EOGT: variants seen among roughly 807,000 people sequenced by gnomAD.
EOGT encodes the protein EGF domain-specific O-linked N-acetylglucosamine transferase.
Under a neutral mutation model 70.5 loss-of-function variants are expected in EOGT, and 55 were observed. The ratio of observed to expected loss-of-function variants is 0.78; its 90% confidence interval spans 0.63 to 0.98. The LOEUF is 0.98. Among genes scored for constraint, EOGT ranks in the 50% least tolerant of loss-of-function variants. The probability of loss-of-function intolerance (pLI) is 0.00; values close to 1 mark genes in which losing one functional copy is unlikely to be tolerated. For missense variants in EOGT, 703 were observed against 641.9 expected (o/e 1.10, Z -1.03); for synonymous variants, 246 against 217.1 (o/e 1.13, Z -1.17).
chr3:68,990,335 T>C (rs1001532100), intron 10 of EOGT, among the ~76,000 whole-genome samples: 5 of 148,480 alleles, frequency 3.4e-5, no homozygotes, highest in African/African-American at 1.2e-4. Flanking sequence ...CTTTCCAGTA[T>C]AATTACCACA....
chr3:68,985,011 G>A (rs1057491667), intron 14 of EOGT, among the ~76,000 whole-genome samples: 2 of 152,092 alleles, frequency 1.3e-5, no homozygotes, highest in African/African-American at 4.8e-5. Flanking sequence ...TTTAACCACT[G>A]AGCCTCAGTG....
Position 68,999,843 on chromosome 3 carries a change from CATA to C in EOGT, c.728-1732_728-1730del, listed in dbSNP as rs373684593. Among the ~76,000 whole-genome samples the C allele has an allele frequency of 4.7e-3, 709 of 152,252 alleles. 6 individuals are homozygous for C. The highest frequency in any genetic ancestry group is 5.8e-3 in the Non-Finnish European group (393 of 68,014). On this transcript the variant is annotated intron_variant, in intron 9 of 17. Transcript: ENST00000383701. Reference sequence around the variant, plus strand: ...AAGAATTTATAAACAGAGAAGAAAACATAAGCTCCATCCTTGAGAAATGTGCCC... The same window carrying C: ...AAGAATTTATAAACAGAGAAGAAAACAGCTCCATCCTTGAGAAATGTGCCC...
chr3:69,000,003 C>T (rs940345760), intron 9 of EOGT, among the ~76,000 whole-genome samples: 6 of 152,166 alleles, frequency 3.9e-5, no homozygotes, highest in Admixed American at 1.3e-4. Flanking sequence ...AGGGGGATCA[C>T]TTGAGCCCAG....
chr3:69,001,492 C>A lies in EOGT; in HGVS notation c.727+116G>T, dbSNP rs867887602. On this transcript the variant is annotated intron_variant, in intron 9 of 17. Transcript: ENST00000383701. ...TCTTCAGAGAAGAAAGCAAAAAAAA[C>A]AAATCTACTGTTTGTCATACTGCTT... 6.4e-6 allele frequency: 4 copies of A among 620,298 alleles called. No homozygotes were observed. In the Middle Eastern group the frequency reaches 1.3e-3, roughly 204 times the overall value. 38.4% of individuals were successfully genotyped at this position (620,298 alleles called of 1,614,324 possible).
intron 14 of EOGT, among the ~76,000 whole-genome samples, chr3:68,985,946 T>C (rs1465846327): frequency 1.3e-5 from 2 of 152,126 alleles, no homozygotes; most frequent in East Asian, 1.9e-4. Context: ...ACCCACTGCC[T>C]CACCTTTTCC....
At chr3:68,979,832 A>T in intron 15 of EOGT, 45 bp from the exon 16 acceptor site, 2 of 1,599,100 alleles carry the variant, frequency 1.3e-6, no homozygotes, top group East Asian at 2.2e-5. Flanking sequence ...GAGAAGAGAG[A>T]AGTATTAGGT....
intron 10 of EOGT, among the ~76,000 whole-genome samples, chr3:68,996,864 A>T (rs201699599): frequency 2.6e-5 from 4 of 152,326 alleles, no homozygotes; most frequent in African/African-American, 9.6e-5. Context: ...CCCAGTTTAG[A>T]CAGCCTCTCT....
intron 15 of EOGT, 51 bp from the exon 16 acceptor site, chr3:68,979,838 T>C (rs778141747): frequency 1.9e-6 from 3 of 1,561,982 alleles, no homozygotes; most frequent in South Asian, 2.3e-5. Flanking sequence ...AGAGAAGTAT[T>C]AGGTTGAGTT....
At position 68,976,591 on chromosome 3, in the gene EOGT, G is replaced by A. The variant is rs949591930; in HGVS notation, c.*1027C>T. 4 of 151,334 alleles carry A rather than the reference G, an allele frequency of 2.6e-5. No individual in the cohort carries two copies. Among genetic ancestry groups the A allele is most frequent in the African/African-American group, 9.8e-5 (4 of 40,984 alleles). The allele number at this position is 151,334 out of a possible 1,614,324, so 9.4% of individuals were successfully genotyped here. A position where few individuals can be genotyped will look rare whatever the true frequency, so the allele number is the denominator to read the frequency against. On this transcript the variant is annotated 3_prime_UTR_variant, in exon 18 of 18. Transcript: ENST00000383701. ...GCATATAACCTGGAGGTGACTAAAC[G>A]CTGATCTATAACATGGTCCTATAGC...
chr3:68,982,992 TAACAAC>T, intron 14 of EOGT, 120 bp from the exon 15 acceptor site: 1 of 571,402 alleles, frequency 1.8e-6, no homozygotes, highest in East Asian at 3.1e-5. Context: ...TATCATTTGG[TAACAAC>T]AACAACAAAT....
In EOGT at chr3:68,987,523, A is replaced by C; in HGVS notation, c.1084-10T>G. ...CTCGAATTTTTCCATCCTGTAATCAAAATGAAACGGTAAAATAACACTGCA... is the reference window on the plus strand; with the variant it reads ...CTCGAATTTTTCCATCCTGTAATCACAATGAAACGGTAAAATAACACTGCA... On this transcript the variant is annotated splice_polypyrimidine_tract_variant and intron_variant, in intron 13 of 17. Coordinates refer to ENST00000383701, the MANE Select transcript of EOGT (RefSeq NM_001278689.2). The C allele has an allele frequency of 6.2e-7, 1 of 1,607,932 alleles. No homozygotes were observed. Among genetic ancestry groups the C allele is most frequent in the Non-Finnish European group, 8.5e-7 (1 of 1,174,580 alleles).
chr3:68,978,420 A>G lies in EOGT; in HGVS notation c.1350T>C (p.Asp450=). 6.2e-7 allele frequency: 1 copy of G among 1,610,434 alleles called. No homozygotes were observed. The highest frequency in any genetic ancestry group is 8.5e-7 in the Non-Finnish European group (1 of 1,178,900). ...TGGCCAAGTCTAAGTAACAGCGTTC[A>G]TCTTCACAGTTGTACCTAAGGACAC... ...AAVFELYNCE[D]ERCYLDLARL... The change falls in exon 17 of 18, where the codon GAT becomes GAC. Residue 450 remains aspartate (D), a synonymous_variant. Transcript: ENST00000383701.
intron 10 of EOGT, among the ~76,000 whole-genome samples, chr3:68,991,066 GATAAA>G (rs1374348168): frequency 6.6e-5 from 10 of 152,112 alleles, no homozygotes; most frequent in Admixed American, 4.6e-4. Flanking sequence ...AAATACTTCA[GATAAA>G]ATAAAATATG....
Position 69,013,159 on chromosome 3 carries a change from G to T in EOGT, c.-355-360C>A, listed in dbSNP as rs572540347. On this transcript the variant is annotated intron_variant, in intron 1 of 17. Transcript: ENST00000383701. The stretch of plus-strand genomic sequence containing the variant: ...CGCCGCGGCTGAGACGCCGCGCTGG[G>T]GTTCCGGACCCCGGGCGCCGCCAGG... Among the ~76,000 whole-genome samples the T allele has an allele frequency of 2.2e-4, 34 of 152,184 alleles. No homozygotes were observed. The East Asian group carries it at 5.8e-3, about 26-fold the overall frequency.
At chr3:69,000,544 C>A (rs1186579057) in intron 9 of EOGT, among the ~76,000 whole-genome samples, 1 of 152,178 alleles carries the variant, frequency 6.6e-6, no homozygotes, top group Non-Finnish European at 1.5e-5. Flanking sequence ...AATATAAGAA[C>A]TATGACTTCA....
In EOGT at chr3:69,009,797, C is replaced by T. The variant is rs139168099; in HGVS notation, c.50G>A (p.Ser17Asn). 768 of 1,613,966 alleles carry T rather than the reference C, an allele frequency of 4.8e-4. No individual in the cohort carries two copies. Among genetic ancestry groups the T allele is most frequent in the Non-Finnish European group, 6.2e-4 (730 of 1,180,026 alleles). Residue 17 changes from serine (S) to asparagine (N), a missense_variant, in exon 4 of 18, where the codon AGT (serine) becomes AAT (asparagine). Physicochemically the swap from Ser to Asn is conservative, Grantham distance 46. Coordinates refer to ENST00000383701, the MANE Select transcript of EOGT (RefSeq NM_001278689.2). The stretch of plus-strand genomic sequence containing the variant: ...ATTAGGAGGAGCTTCATTCTGACCA[C>T]TCAGTGAGACTTCATGAAGTAAGAC... ...FGVLLHEVSL[S>N]GQNEAPPNTH...
At chr3:68,997,376 T>TTC (rs2107303034) in intron 10 of EOGT, among the ~76,000 whole-genome samples, 1 of 151,768 alleles carries the variant, frequency 6.6e-6, no homozygotes, top group African/African-American at 2.4e-5. Context: ...ACAGCCTTTT[T>TTC]TTTTTTTTTT....
chr3:68,984,559 ACCTGTTTAT>A (rs1172892177), intron 14 of EOGT, among the ~76,000 whole-genome samples: 1 of 152,188 alleles, frequency 6.6e-6, no homozygotes, highest in Non-Finnish European at 1.5e-5. Flanking sequence ...ATTAATACAT[ACCTGTTTAT>A]TAATCAAAGT....
In EOGT at chr3:69,001,686, G is replaced by A; in HGVS notation, c.649C>T (p.Leu217Phe). Residue 217 changes from leucine to phenylalanine, a missense_variant, in exon 9 of 18, where the codon CTC becomes TTC. Coordinates refer to ENST00000383701, the MANE Select transcript of EOGT (RefSeq NM_001278689.2). ...GCATCTTCTATAGGTCTGAAGTTGAGCTGAGTATAGCTTTGTAGCTCAGCA... is the reference window on the plus strand; with the variant it reads ...GCATCTTCTATAGGTCTGAAGTTGAACTGAGTATAGCTTTGTAGCTCAGCA... ...WFAELQSYTQ[L>F]NFRPIEDAKC... 1 of 1,611,090 alleles carries A rather than the reference G, an allele frequency of 6.2e-7. No individual in the cohort carries two copies. Among genetic ancestry groups the A allele is most frequent in the South Asian group, 1.1e-5 (1 of 90,226 alleles).
Sources: gnomAD v4.1 joint callset for allele counts (sites outside exome capture counted in the v4.1 genomes callset) on GRCh38, gnomAD v4.1.1 for gene constraint, MANE v1.5 for transcripts, NCBI Gene and HGNC (gene_info 2026-07-23, HGNC 2026-07-21) for gene names.